The following AKAP5 variants were observed in gnomAD, a reference collection of about 807,000 sequenced individuals.
The protein encoded by AKAP5 is A-kinase anchor protein 5.
A neutral mutation model predicts 13.8 loss-of-function variants in AKAP5; 5 were observed. The observed-to-expected ratio is 0.36, with a 90% CI of 0.19 to 0.76. AKAP5 has a LOEUF of 0.76. AKAP5 is among the 30% of genes least tolerant of loss of function. The probability of loss-of-function intolerance (pLI) is 0.51; values close to 1 mark genes in which losing one functional copy is unlikely to be tolerated. For synonymous variants in AKAP5, 148 were observed against 167.2 expected, an observed-to-expected ratio of 0.89 and a Z score of 0.89; for missense variants, 406 against 484.4, an observed-to-expected ratio of 0.84 and a Z score of 1.52.
intron 1 of AKAP5, chr14:64,467,203 A>ATTG (rs1393635825): frequency 6.6e-6 from 1 of 152,254 alleles, no homozygotes; most frequent in Admixed American, 6.5e-5. Context: ...AGCTTTAAGC[A>ATTG]ACAAGCAATC....
At position 64,469,572 on chromosome 14, in the gene AKAP5, T is replaced by C. The variant is rs1230149296; in HGVS notation, c.1178T>C (p.Ile393Thr). 6.2e-7 allele frequency: 1 copy of C among 1,613,800 alleles called. No individual in the cohort carries two copies. Among genetic ancestry groups the C allele is most frequent in the Non-Finnish European group, 8.5e-7 (1 of 1,179,920 alleles). ...TCAGAACAATATGAAACACTCTTAATTGAAACAGCCTCTTCTCTAGTCAAG... is the reference window on the plus strand; with the variant it reads ...TCAGAACAATATGAAACACTCTTAACTGAAACAGCCTCTTCTCTAGTCAAG... ...RTSEQYETLL[I>T]ETASSLVKNA... The change falls in exon 2 of 2, where the codon ATT (isoleucine) becomes ACT (threonine). Residue 393 changes from isoleucine (I) to threonine (T), a missense_variant. Transcript: ENST00000394718.
At position 64,474,238 on chromosome 14, in the gene AKAP5, TTAAA is replaced by T. The variant is rs996582105; in HGVS notation, c.*4565_*4568del. 3 of 167,100 alleles carry T rather than the reference TTAAA, an allele frequency of 1.8e-5. No homozygotes were observed. The highest frequency in any genetic ancestry group is 4.4e-5 in the Non-Finnish European group (3 of 68,118). 10.4% of individuals were successfully genotyped at this position (167,100 alleles called of 1,614,324 possible). ...GCAGCAGTTTGAAAGTGTTCCGTTTTTAAATAAACAGTATGCTTATTTTGATTTG... is the reference window on the plus strand; with the variant it reads ...GCAGCAGTTTGAAAGTGTTCCGTTTTTAAACAGTATGCTTATTTTGATTTG... On this transcript the variant is annotated 3_prime_UTR_variant, in exon 2 of 2. Transcript: ENST00000394718.
rs553437082 is a variant in AKAP5, at chr14:64,473,779, TA to T, written c.*4110del. The T allele has an allele frequency of 8.4e-5, 14 of 166,388 alleles. 1 individual carries two copies. Among genetic ancestry groups the T allele is most frequent in the Middle Eastern group, 3.4e-3 (1 of 296 alleles). 10.3% of individuals were successfully genotyped at this position (166,388 alleles called of 1,614,324 possible). On this transcript the variant is annotated 3_prime_UTR_variant, in exon 2 of 2. Transcript: ENST00000394718. ...TTTTTCTGCCTGCCATTTGTGCATT[TA>T]AAAAAAAATCCTCATTTAAGATTTA... is the stretch of plus-strand genomic sequence containing the variant.
Position 64,469,728 on chromosome 14 carries a change from T to C in AKAP5, c.*50T>C. On this transcript the variant is annotated 3_prime_UTR_variant, in exon 2 of 2. Transcript: ENST00000394718. ...AAAAACAAGCTTAATGAAGAATTCT[T>C]TTATACATTTGTGGCATTTCTTACT... The C allele has an allele frequency of 7.7e-7, 1 of 1,292,748 alleles. No individual in the cohort carries two copies. Among genetic ancestry groups the C allele is most frequent in the Admixed American group, 2.5e-5 (1 of 39,766 alleles). The allele number at this position is 1,292,748 out of a possible 1,614,324, so 80.1% of individuals were successfully genotyped here.
chr14:64,473,973 GTCCTAATTAAAT>G lies in AKAP5; in HGVS notation c.*4298_*4309del, dbSNP rs1248697993. The G allele has an allele frequency of 6.0e-6, 1 of 166,846 alleles. No homozygotes were observed. The highest frequency in any genetic ancestry group is 2.4e-5 in the African/African-American group (1 of 41,444). 10.3% of individuals were successfully genotyped at this position (166,846 alleles called of 1,614,324 possible). A position where few individuals can be genotyped will look rare whatever the true frequency, so the allele number is the denominator to read the frequency against. ...GAAGGAAGCTACATAAAATTCAGGT[GTCCTAATTAAAT>G]TCAATTTGATTCAACACACGTATTA... On this transcript the variant is annotated 3_prime_UTR_variant, in exon 2 of 2. Coordinates refer to ENST00000394718, the MANE Select transcript of AKAP5 (RefSeq NM_004857.3).
chr14:64,468,636 C>T lies in AKAP5; in HGVS notation c.242C>T (p.Ser81Leu). 6.2e-7 allele frequency: 1 copy of T among 1,613,936 alleles called. No individual in the cohort carries two copies. The highest frequency in any genetic ancestry group is 2.2e-5 in the East Asian group (1 of 44,884). ...QPEPTRGAWASLKRLVTRRKR... is the reference protein window; with the variant it reads ...QPEPTRGAWALLKRLVTRRKR... ...GAGCCCACACGGGGGGCCTGGGCCT[C>T]ACTCAAACGTCTTGTAACACGCAGG... Residue 81 changes from serine (S) to leucine (L), a missense_variant, in exon 2 of 2, where the codon TCA becomes TTA. Transcript: ENST00000394718.
chr14:64,473,058 T>C lies in AKAP5; in HGVS notation c.*3380T>C, dbSNP rs1434730816. 6.0e-6 allele frequency: 1 copy of C among 167,074 alleles called. No individual in the cohort carries two copies. The highest frequency in any genetic ancestry group is 2.4e-5 in the African/African-American group (1 of 41,442). 10.3% of individuals were successfully genotyped at this position (167,074 alleles called of 1,614,324 possible). ...GCTACTTGTTAACTTTTTCAGCATA[T>C]TATCATTCCTCTTTTAAGACTCAAG... On this transcript the variant is annotated 3_prime_UTR_variant, in exon 2 of 2. Transcript: ENST00000394718.
chr14:64,469,534 T>C lies in AKAP5; in HGVS notation c.1140T>C (p.Phe380=). ...GGGTTTTTGCTAATGATAATGGTTT[T>C]GAGGATAGAACTTCAGAACAATATG... The part of the protein sequence containing the change: ...QVGVFANDNG[F]EDRTSEQYET... The change falls in exon 2 of 2, where the codon TTT becomes TTC. Residue 380 remains phenylalanine (F), a synonymous_variant. Coordinates refer to ENST00000394718, the MANE Select transcript of AKAP5 (RefSeq NM_004857.3). 2 of 1,613,974 alleles carry C rather than the reference T, an allele frequency of 1.2e-6. No homozygotes were observed. The highest frequency in any genetic ancestry group is 2.2e-5 in the South Asian group (2 of 90,994).
Position 64,469,179 on chromosome 14 carries a change from T to C in AKAP5, c.785T>C (p.Leu262Pro). Residue 262 changes from leucine (L) to proline (P), a missense_variant, in exon 2 of 2, where the codon CTT becomes CCT. By Grantham distance (98) the Leu-to-Pro change is moderately conservative (BLOSUM62 -3). Coordinates refer to ENST00000394718, the MANE Select transcript of AKAP5 (RefSeq NM_004857.3). ...GAAACAGACCATCAGCAGCCAGTAC[T>C]TTCTGATGTTCCTCCTTTACCTGCA... ...TSETDHQQPV[L>P]SDVPPLPAIP... is the part of the protein sequence containing the mutation. The C allele has an allele frequency of 6.2e-7, 1 of 1,614,156 alleles. No individual in the cohort carries two copies. The highest frequency in any genetic ancestry group is 2.2e-5 in the East Asian group (1 of 44,882).
chr14:64,469,750 T>C lies in AKAP5; in HGVS notation c.*72T>C, dbSNP rs1194641194. 1 of 1,123,974 alleles carries C rather than the reference T, an allele frequency of 8.9e-7. No individual in the cohort carries two copies. Among genetic ancestry groups the C allele is most frequent in the East Asian group, 2.4e-5 (1 of 41,060 alleles). 69.6% of individuals were successfully genotyped at this position (1,123,974 alleles called of 1,614,324 possible). A position where few individuals can be genotyped will look rare whatever the true frequency, so the allele number is the denominator to read the frequency against. ...TCTTTTATACATTTGTGGCATTTCTTACTCAGTAACAAATGAGAGATTTAT... is the reference window on the plus strand; with the variant it reads ...TCTTTTATACATTTGTGGCATTTCTCACTCAGTAACAAATGAGAGATTTAT... On this transcript the variant is annotated 3_prime_UTR_variant, in exon 2 of 2. Coordinates refer to ENST00000394718, the MANE Select transcript of AKAP5 (RefSeq NM_004857.3).
rs1019982717 is a variant in AKAP5 at position 64,470,930 on chromosome 14, C to G, written c.*1252C>G. ...CAAAGAGGGGAGAGTAGATTCAAAG[C>G]CAGCCTGGTAGTAATGGTCCTGGAA... On this transcript the variant is annotated 3_prime_UTR_variant, in exon 2 of 2. Coordinates refer to ENST00000394718, the MANE Select transcript of AKAP5 (RefSeq NM_004857.3). 1 of 166,964 alleles carries G rather than the reference C, an allele frequency of 6.0e-6. No individual in the cohort carries two copies. Among genetic ancestry groups the G allele is most frequent in the Non-Finnish European group, 1.5e-5 (1 of 68,110 alleles). The allele number at this position is 166,964 out of a possible 1,614,324, so 10.3% of individuals were successfully genotyped here.
chr14:64,469,386 A>C lies in AKAP5; in HGVS notation c.992A>C (p.Glu331Ala). 1 of 1,614,072 alleles carries C rather than the reference A, an allele frequency of 6.2e-7. No homozygotes were observed. The highest frequency in any genetic ancestry group is 1.7e-5 in the Admixed American group (1 of 60,010). ...ACTGAAGAGAAATCCAAATCAGAAG[A>C]AAGCAAAAGAATGGAGCCAATTGCT... is the stretch of plus-strand genomic sequence containing the variant. ...GITEEKSKSE[E>A]SKRMEPIAII... The change falls in exon 2 of 2, where the codon GAA (glutamate) becomes GCA (alanine). Residue 331 changes from glutamate (E) to alanine (A), a missense_variant. Physicochemically the swap from Glu to Ala is moderately radical, Grantham distance 107 (BLOSUM62 -1). Coordinates refer to ENST00000394718, the MANE Select transcript of AKAP5 (RefSeq NM_004857.3).
chr14:64,469,349 G>C lies in AKAP5; in HGVS notation c.955G>C (p.Glu319Gln), dbSNP rs1344703014. The C allele has an allele frequency of 6.2e-7, 1 of 1,613,802 alleles. No homozygotes were observed. Among genetic ancestry groups the C allele is most frequent in the African/African-American group, 1.3e-5 (1 of 74,896 alleles). ...TELSQESDFKENGITEEKSKS... is the reference protein window; with the variant it reads ...TELSQESDFKQNGITEEKSKS... Reference sequence around the variant, plus strand: ...ATTGAGCCAAGAATCAGATTTTAAAGAAAATGGGATCACTGAAGAGAAATC... The same window carrying C: ...ATTGAGCCAAGAATCAGATTTTAAACAAAATGGGATCACTGAAGAGAAATC... The change falls in exon 2 of 2, where the codon GAA becomes CAA. Residue 319 changes from glutamate (E) to glutamine (Q), a missense_variant. Glu to Gln is a conservative substitution (Grantham distance 29). Coordinates refer to ENST00000394718, the MANE Select transcript of AKAP5 (RefSeq NM_004857.3).
Position 64,468,421 on chromosome 14 carries a change from T to C in AKAP5, c.27T>C (p.His9=). Residue 9 remains histidine, a synonymous_variant, in exon 2 of 2, where the codon CAT becomes CAC. Coordinates refer to ENST00000394718, the MANE Select transcript of AKAP5 (RefSeq NM_004857.3). METTISEI[H]VENKDEKRSA... The stretch of plus-strand genomic sequence containing the variant: ...TGGAAACCACAATTTCAGAAATTCA[T>C]GTAGAAAACAAGGATGAGAAGAGAT... The C allele has an allele frequency of 1.9e-6, 3 of 1,603,770 alleles. No individual in the cohort carries two copies. The highest frequency in any genetic ancestry group is 2.5e-6 in the Non-Finnish European group (3 of 1,177,004).
rs183215093 is a variant in AKAP5 at position 64,472,460 on chromosome 14, A to C, written c.*2782A>C. 6.0e-6 allele frequency: 1 copy of C among 167,008 alleles called. No homozygotes were observed. The highest frequency in any genetic ancestry group is 2.4e-5 in the African/African-American group (1 of 41,456). The allele number at this position is 167,008 out of a possible 1,614,324, so 10.3% of individuals were successfully genotyped here. On this transcript the variant is annotated 3_prime_UTR_variant, in exon 2 of 2. Transcript: ENST00000394718. ...AATGAATTTTTTGGTTAAGAAAGTA[A>C]AATTTTATCTAATACTAGGTTTTTA...
intron 1 of AKAP5, among the ~76,000 whole-genome samples, chr14:64,466,061 C>T (rs1241467184): frequency 6.6e-6 from 1 of 152,142 alleles, no homozygotes; most frequent in African/African-American, 2.4e-5. Context: ...CAGGAGGAAG[C>T]TTCGTGGTCC....
rs781475149 is a variant in AKAP5, at chr14:64,469,208, C to T, written c.814C>T (p.Pro272Ser). 8.7e-6 allele frequency: 14 copies of T among 1,613,914 alleles called. No individual in the cohort carries two copies. In the South Asian group the frequency reaches 8.8e-5, roughly 10 times the overall value. The change falls in exon 2 of 2, where the codon CCA becomes TCA. Residue 272 changes from proline to serine, a missense_variant. Transcript: ENST00000394718. ...LSDVPPLPAI[P>S]DQQIVEEASN... Reference sequence around the variant, plus strand: ...TGATGTTCCTCCTTTACCTGCAATTCCAGATCAACAAATTGTGGAAGAAGC... The same window carrying T: ...TGATGTTCCTCCTTTACCTGCAATTTCAGATCAACAAATTGTGGAAGAAGC...
chr14:64,468,003 C>T (rs1046176279), intron 1 of AKAP5, 129 bp from the exon 2 acceptor site: 2 of 155,416 alleles, frequency 1.3e-5, no homozygotes, highest in Admixed American at 6.4e-5. Context: ...TGTTTATTCT[C>T]CAGTCATTTC....
rs764945303 is a variant in AKAP5 at position 64,468,807 on chromosome 14, G to T, written c.413G>T (p.Arg138Met). The change falls in exon 2 of 2, where the codon AGG becomes ATG. Residue 138 changes from arginine to methionine, a missense_variant. Arg to Met is a moderately conservative substitution (Grantham distance 91). Transcript: ENST00000394718. ...ATAAAATTCCCAAGAGGGCCAAAAA[G>T]GAGTAATCATTCCAAAATTATAGAA... ...PCIKFPRGPKRSNHSKIIEDS... is the reference protein window; with the variant it reads ...PCIKFPRGPKMSNHSKIIEDS... 3 of 1,614,150 alleles carry T rather than the reference G, an allele frequency of 1.9e-6. No homozygotes were observed. The highest frequency in any genetic ancestry group is 2.5e-6 in the Non-Finnish European group (3 of 1,180,028).
Sources: gnomAD v4.1 joint callset for allele counts (sites outside exome capture counted in the v4.1 genomes callset) on GRCh38, gnomAD v4.1.1 for gene constraint, MANE v1.5 for transcripts, NCBI Gene and HGNC (gene_info 2026-07-23, HGNC 2026-07-21) for gene names.